HELB: variants seen among roughly 807,000 people sequenced by gnomAD.
HELB encodes DNA 5'-3' helicase B.
A neutral mutation model predicts 101.7 loss-of-function variants in HELB; 96 were observed. That is an observed-to-expected ratio of 0.94 (90% CI 0.80 to 1.12). The LOEUF is 1.12. HELB is among the 50% of genes most tolerant of loss of function. The pLI, the probability that HELB is intolerant of heterozygous loss-of-function variation, is 0.00. For synonymous variants in HELB, 437 were observed against 459.7 expected (o/e 0.95, Z 0.63); for missense variants, 1,210 against 1,291.9 (o/e 0.94, Z 0.97).
chr12:66,322,030 G>T lies in HELB; in HGVS notation c.2237+1G>T. On this transcript the variant is annotated splice_donor_variant, in intron 8 of 12. Transcript: ENST00000247815. LOFTEE classifies it high-confidence loss of function. ...CATCACAATTTATTGCATTTAGAAG[G>T]TAAAGCATTTATAATATTTTAATGT... is the stretch of plus-strand genomic sequence containing the variant. The T allele has an allele frequency of 9.5e-7, 1 of 1,047,814 alleles. No homozygotes were observed. The highest frequency in any genetic ancestry group is 1.6e-5 in the African/African-American group (1 of 62,748). 64.9% of individuals were successfully genotyped at this position (1,047,814 alleles called of 1,614,324 possible). A position where few individuals can be genotyped will look rare whatever the true frequency, so the allele number is the denominator to read the frequency against.
intron 12 of HELB, 149 bp downstream of exon 12, chr12:66,331,794 A>G: frequency 2.6e-6 from 2 of 775,972 alleles, no homozygotes; most frequent in Non-Finnish European, 4.1e-6. Flanking sequence ...AATTTCCCTT[A>G]CCTCACTGTC....
intron 4 of HELB, among the ~76,000 whole-genome samples, chr12:66,313,502 T>A (rs1017778958): frequency 1.3e-5 from 2 of 152,230 alleles, no homozygotes; most frequent in African/African-American, 4.8e-5. Flanking sequence ...ATTACATTTG[T>A]AATAAAGAAT....
chr12:66,333,571 C>T lies in HELB; in HGVS notation c.3162+1926C>T, dbSNP rs182931984. Among the ~76,000 whole-genome samples the T allele has an allele frequency of 4.4e-3, 670 of 151,710 alleles. 13 individuals are homozygous for T. Among genetic ancestry groups the T allele is most frequent in the Non-Finnish European group, 1.5e-3 (103 of 67,880 alleles). ...CATGGTGGCAGTCACCTGTAATCCC[C>T]GCTACTCGAGAGGCTGAGGGAGGAG... On this transcript the variant is annotated intron_variant, in intron 12 of 12. Transcript: ENST00000247815.
chr12:66,305,165 T>A lies in HELB; in HGVS notation c.607+15T>A. The A allele has an allele frequency of 7.0e-7, 1 of 1,436,206 alleles. No homozygotes were observed. The highest frequency in any genetic ancestry group is 1.3e-5 in the South Asian group (1 of 75,470). The allele number at this position is 1,436,206 out of a possible 1,614,324, so 89.0% of individuals were successfully genotyped here. On this transcript the variant is annotated intron_variant, in intron 2 of 12. Coordinates refer to ENST00000247815, the MANE Select transcript of HELB (RefSeq NM_001370285.1). ...GGAAAACACAAGTAAGTGTGATTTT[T>A]ATCATCAACTTTCAGTGTAATTGAC...
At chr12:66,322,222 T>C (rs147023923) in intron 8 of HELB, among the ~76,000 whole-genome samples, 193 bp downstream of exon 8, 1 of 152,116 alleles carries the variant, frequency 6.6e-6, no homozygotes, top group Non-Finnish European at 1.5e-5. Flanking sequence ...AAGTATTATA[T>C]TTAGAAGCTC....
At position 66,309,736 on chromosome 12, in the gene HELB, T is replaced by C. The variant is rs757553870; in HGVS notation, c.808T>C (p.Cys270Arg). 9.9e-6 allele frequency: 16 copies of C among 1,611,920 alleles called. No individual in the cohort carries two copies. The highest frequency in any genetic ancestry group is 1.4e-5 in the Non-Finnish European group (16 of 1,178,666). Residue 270 changes from cysteine (C) to arginine (R), a missense_variant, in exon 4 of 13, where the codon TGT becomes CGT. By Grantham distance (180) the Cys-to-Arg change is radical. Transcript: ENST00000247815. ...ITYREWKLLR[C>R]EASWIAFCQC... ...CTACAGAGAGTGGAAACTCCTGCGA[T>C]GTGAGGCAAGTTGGATAGCATTTTG... is the stretch of plus-strand genomic sequence containing the variant.
chr12:66,335,533 G>C (rs940753521), intron 12 of HELB, among the ~76,000 whole-genome samples: 1 of 152,148 alleles, frequency 6.6e-6, no homozygotes, highest in Non-Finnish European at 1.5e-5. Context: ...AGAAGGAAAG[G>C]TGGTTGTATC....
rs1412402675 is a variant in HELB, at chr12:66,308,580, C to T, written c.778-1126C>T. On this transcript the variant is annotated intron_variant, in intron 3 of 12. Coordinates refer to ENST00000247815, the MANE Select transcript of HELB (RefSeq NM_001370285.1). ...TTTTGTCTTACAATTCTGGAGGCTACAAGTCTGAGATCAAGGTGTGGACAG... is the reference window on the plus strand; with the variant it reads ...TTTTGTCTTACAATTCTGGAGGCTATAAGTCTGAGATCAAGGTGTGGACAG... Among the ~76,000 whole-genome samples the T allele has an allele frequency of 3.3e-5, 5 of 152,176 alleles. No individual in the cohort carries two copies. The East Asian group carries it at 9.6e-4, about 29-fold the overall frequency.
chr12:66,329,790 ATAAT>A (rs1280033827), intron 11 of HELB, among the ~76,000 whole-genome samples: 3 of 152,182 alleles, frequency 2.0e-5, no homozygotes, highest in South Asian at 2.1e-4. Flanking sequence ...GTGTTGCTTA[ATAAT>A]TAAGAACTAG....
At chr12:66,306,800 A>T (rs901084659) in intron 3 of HELB, among the ~76,000 whole-genome samples, 1 of 152,208 alleles carries the variant, frequency 6.6e-6, no homozygotes, top group Non-Finnish European at 1.5e-5. Flanking sequence ...TAGTTATGTA[A>T]TTTAATGTGA....
chr12:66,322,835 C>T, intron 9 of HELB, 52 bp downstream of exon 9: 1 of 1,256,308 alleles, frequency 8.0e-7, no homozygotes, highest in Non-Finnish European at 1.1e-6. Context: ...CTTCGATTTG[C>T]TGGTTTTTTT....
intron 3 of HELB, among the ~76,000 whole-genome samples, chr12:66,308,488 A>T (rs537627039): frequency 6.6e-6 from 1 of 152,340 alleles, no homozygotes; most frequent in Admixed American, 6.5e-5. Flanking sequence ...CTATCCAAGT[A>T]TTGTATTAGT....
intron 7 of HELB, chr12:66,321,727 C>G (rs1027428143): frequency 2.3e-6 from 1 of 441,856 alleles, no homozygotes; most frequent in Non-Finnish European, 4.1e-6. Flanking sequence ...GTTGACCTCT[C>G]TGTTGAGGGT....
At chr12:66,335,911 T>C in intron 12 of HELB, among the ~76,000 whole-genome samples, 1 of 152,216 alleles carries the variant, frequency 6.6e-6, no homozygotes, top group East Asian at 1.9e-4. Flanking sequence ...TCTGTGTTGT[T>C]CCTGAAGGCT....
chr12:66,325,110 C>G lies in HELB; in HGVS notation c.2654C>G (p.Thr885Ser), dbSNP rs2053721005. 1 of 1,606,402 alleles carries G rather than the reference C, an allele frequency of 6.2e-7. No individual in the cohort carries two copies. Among genetic ancestry groups the G allele is most frequent in the East Asian group, 2.2e-5 (1 of 44,778 alleles). Residue 885 changes from threonine (T) to serine (S), a missense_variant, in exon 11 of 13, where the codon ACT becomes AGT. By Grantham distance (58) the Thr-to-Ser change is moderately conservative. Coordinates refer to ENST00000247815, the MANE Select transcript of HELB (RefSeq NM_001370285.1). ...CGCATAAAACATGCATGGGCAAGAA[C>G]TATTCACACTTTTCAGGTAAGAGGA... ...YCRIKHAWARTIHTFQGSEEQ... is the reference protein window; with the variant it reads ...YCRIKHAWARSIHTFQGSEEQ...
intron 7 of HELB, chr12:66,321,698 G>A (rs765096201): frequency 9.4e-4 from 354 of 377,502 alleles, no homozygotes; most frequent in Non-Finnish European, 1.3e-3. Context: ...TTACAAATGG[G>A]GAACTGTCCT....
At chr12:66,340,512 G>A (rs1371767164), downstream of HELB, 2 of 151,018 alleles carry the variant, frequency 1.3e-5, no homozygotes, top group African/African-American at 2.4e-5. Flanking sequence ...TCTCCAGAGG[G>A]ATGGAACCAA....
Position 66,331,197 on chromosome 12 carries a change from G to A in HELB, c.2714G>A (p.Gly905Asp), listed in dbSNP as rs1314515848. ...GTTGTCTATGTGGTGGGGAAGGCGGGCCGCCAGCACTGGCAGCATGTCTAC... is the reference window on the plus strand; with the variant it reads ...GTTGTCTATGTGGTGGGGAAGGCGGACCGCCAGCACTGGCAGCATGTCTAC... ...QTVVYVVGKA[G>D]RQHWQHVYTA... The change falls in exon 12 of 13, where the codon GGC becomes GAC. Residue 905 changes from glycine (G) to aspartate (D), a missense_variant. Transcript: ENST00000247815. The A allele has an allele frequency of 1.2e-6, 2 of 1,612,104 alleles. No individual in the cohort carries two copies. Among genetic ancestry groups the A allele is most frequent in the Non-Finnish European group, 1.7e-6 (2 of 1,178,402 alleles).
chr12:66,325,257 A>G (rs2053723454), intron 11 of HELB, 131 bp downstream of exon 11: 1 of 618,828 alleles, frequency 1.6e-6, no homozygotes, highest in Non-Finnish European at 2.8e-6. Context: ...AAAGTACAGA[A>G]CATAATAGAG....
Sources: allele counts gnomAD v4.1 joint callset (sites outside exome capture counted in the v4.1 genomes callset), GRCh38; gene constraint gnomAD v4.1.1; transcripts MANE v1.5; gene names NCBI Gene and HGNC (gene_info 2026-07-23, HGNC 2026-07-21).